The following MGAT4C variants were observed in gnomAD, a reference collection of about 807,000 sequenced individuals.
The protein encoded by MGAT4C is alpha-1,3-mannosyl-glycoprotein 4-beta-N-acetylglucosaminyltransferase C.
MGAT4C carries 19 observed loss-of-function variants against 40.1 expected under a neutral mutation model. The observed-to-expected ratio is 0.47, with a 90% CI of 0.33 to 0.70. The LOEUF is 0.70. Among genes scored for constraint, MGAT4C ranks in the 30% least tolerant of loss-of-function variants. MGAT4C has a pLI of 0.02. For missense variants in MGAT4C, 491 were observed against 563.2 expected, an observed-to-expected ratio of 0.87 and a Z score of 1.30; for synonymous variants, 181 against 187.1, an observed-to-expected ratio of 0.97 and a Z score of 0.27.
At chr12:86,470,051 TTTTA>T (rs1407164141) in intron 2 of MGAT4C, among the ~76,000 whole-genome samples, 6 of 152,036 alleles carry the variant, frequency 3.9e-5, no homozygotes, top group Non-Finnish European at 7.4e-5. Flanking sequence ...ATACACCACA[TTTTA>T]TTTATTTATT....
At chr12:85,985,032 G>A (rs1466357211) in intron 3 of MGAT4C, among the ~76,000 whole-genome samples, 5 of 152,090 alleles carry the variant, frequency 3.3e-5, no homozygotes, top group Admixed American at 6.5e-5. Context: ...CACTCACCTC[G>A]GCCTCCCAAA....
chr12:86,603,763 AGT>A (rs1324342767), intron 2 of MGAT4C, among the ~76,000 whole-genome samples: 1 of 119,778 alleles, frequency 8.3e-6, no homozygotes, highest in Non-Finnish European at 1.7e-5. Flanking sequence ...TATAATATAT[AGT>A]ATAATTATAT....
intron 2 of MGAT4C, among the ~76,000 whole-genome samples, chr12:86,040,738 CAA>C (rs80109444): frequency 2.2e-3 from 328 of 149,320 alleles, no homozygotes; most frequent in African/African-American, 7.6e-3. Context: ...AACAAACAAA[CAA>C]AAAAAAAACT....
rs1000419654 is a variant in MGAT4C at position 86,085,594 on chromosome 12, G to C, written c.-56-35871C>G. Among the ~76,000 whole-genome samples, 3 of 151,988 alleles carry C rather than the reference G, an allele frequency of 2.0e-5. No individual in the cohort carries two copies. In the East Asian group the frequency reaches 5.8e-4, roughly 29 times the overall value. The stretch of plus-strand genomic sequence containing the variant: ...ACCAGTACCATGCTATCGTCAGAGT[G>C]AACAGGCAACCTACAGAATGGGAGA... On this transcript the variant is annotated intron_variant, in intron 1 of 4. Transcript: ENST00000611864.
chr12:86,093,468 C>A (rs998854643), intron 1 of MGAT4C, among the ~76,000 whole-genome samples: 1 of 152,014 alleles, frequency 6.6e-6, no homozygotes, highest in Admixed American at 6.6e-5. Flanking sequence ...GTGGCTCATG[C>A]CTGTAATCCC....
At chr12:86,301,204 T>TA (rs1953801794) in intron 4 of MGAT4C, among the ~76,000 whole-genome samples, 1 of 152,192 alleles carries the variant, frequency 6.6e-6, no homozygotes, top group African/African-American at 2.4e-5. Context: ...AGGAAAGAGA[T>TA]AATGTTAAGC....
At position 86,627,082 on chromosome 12, in the gene MGAT4C, C is replaced by G. The variant is rs111779975; in HGVS notation, c.-229+100127G>C. Among the ~76,000 whole-genome samples the G allele has an allele frequency of 3.4e-3, 523 of 152,334 alleles. 1 individual carries two copies. Among genetic ancestry groups the G allele is most frequent in the African/African-American group, 0.012 (501 of 41,584 alleles). The stretch of plus-strand genomic sequence containing the variant: ...AGGAGATTATATCCCATGCATGGCT[C>G]AGCTGGTCCCATGCCCACAGAGCCT... On this transcript the variant is annotated intron_variant, in intron 2 of 7. Transcript: ENST00000548651.
intron 2 of MGAT4C, among the ~76,000 whole-genome samples, chr12:86,637,452 T>A (rs942252948): frequency 2.0e-5 from 3 of 151,966 alleles, no homozygotes; most frequent in Non-Finnish European, 2.9e-5. Context: ...AATGTTTGAG[T>A]TTTAGCCTAG....
intron 2 of MGAT4C, among the ~76,000 whole-genome samples, chr12:86,445,548 T>C (rs1199956612): frequency 6.6e-6 from 1 of 152,192 alleles, no homozygotes; most frequent in African/African-American, 2.4e-5. Context: ...CCTAGTTTCA[T>C]ATTCAAGAAG....
intron 1 of MGAT4C, among the ~76,000 whole-genome samples, chr12:86,819,689 T>G (rs1952673164): frequency 6.6e-6 from 1 of 150,924 alleles, no homozygotes; most frequent in African/African-American, 2.4e-5. Flanking sequence ...CTATATGTAT[T>G]TTAATACAGA....
At chr12:86,164,732 G>C (rs1885997596) in intron 1 of MGAT4C, among the ~76,000 whole-genome samples, 1 of 152,044 alleles carries the variant, frequency 6.6e-6, no homozygotes, top group Admixed American at 6.6e-5. Flanking sequence ...CGGTACCCTT[G>C]GGGATTTGAA....
At chr12:86,622,857 A>G (rs1319902088) in intron 2 of MGAT4C, among the ~76,000 whole-genome samples, 1 of 152,188 alleles carries the variant, frequency 6.6e-6, no homozygotes, top group African/African-American at 2.4e-5. Context: ...TTAGTAGACA[A>G]GTATATTAAA....
In MGAT4C at chr12:85,979,825, C is replaced by A. The variant is rs145889731; in HGVS notation, c.901G>T (p.Val301Leu). The A allele has an allele frequency of 1.2e-6, 2 of 1,613,584 alleles. No individual in the cohort carries two copies. Among genetic ancestry groups the A allele is most frequent in the African/African-American group, 2.7e-5 (2 of 74,882 alleles). ...AAGAGAGATGGTTTAAAACGGATCA[C>A]ATTTTTCTGAGCCAACAGACCACGG... ...HFRGLLAQKN[V>L]IRFKPSLFQH... The change falls in exon 5 of 5, where the codon GTG (valine) becomes TTG (leucine). Residue 301 changes from valine to leucine, a missense_variant. Val to Leu is a conservative substitution (Grantham distance 32). Coordinates refer to ENST00000611864, the MANE Select transcript of MGAT4C (RefSeq NM_001351288.2).
chr12:86,376,799 A>G (rs557034918), intron 3 of MGAT4C, among the ~76,000 whole-genome samples: 73 of 139,396 alleles, frequency 5.2e-4, no homozygotes, highest in East Asian at 9.1e-4. Flanking sequence ...ACAGAGAGAG[A>G]GAGACAGAGA....
chr12:86,546,637 A>G (rs1959194409), intron 2 of MGAT4C, among the ~76,000 whole-genome samples: 1 of 152,120 alleles, frequency 6.6e-6, no homozygotes, highest in Admixed American at 6.6e-5. Flanking sequence ...AGTTTATAGA[A>G]TTAAATTTTA....
intron 1 of MGAT4C, among the ~76,000 whole-genome samples, chr12:86,097,416 C>G (rs116005886): frequency 0.023 from 3,437 of 151,700 alleles, 111 homozygotes; most frequent in African/African-American, 0.079. Flanking sequence ...ATCCTGGATA[C>G]TAAAATAACA....
chr12:86,443,657 G>A (rs902833455), intron 2 of MGAT4C, among the ~76,000 whole-genome samples: 1 of 152,112 alleles, frequency 6.6e-6, no homozygotes, highest in African/African-American at 2.4e-5. Flanking sequence ...GCAGTGGCAC[G>A]ATCTCGGCTC....
At chr12:86,403,620 T>A (rs1956411273) in intron 3 of MGAT4C, among the ~76,000 whole-genome samples, 1 of 152,238 alleles carries the variant, frequency 6.6e-6, no homozygotes, top group South Asian at 2.1e-4. Flanking sequence ...TTTAAGTTTT[T>A]GAAATTTTCG....
At chr12:86,509,455 T>C (rs1166223271) in intron 2 of MGAT4C, among the ~76,000 whole-genome samples, 1 of 152,232 alleles carries the variant, frequency 6.6e-6, no homozygotes, top group African/African-American at 2.4e-5. Context: ...GCTGTTTTAC[T>C]TACTGTAACC....
Sources: gnomAD v4.1 joint callset for allele counts (sites outside exome capture counted in the v4.1 genomes callset) on GRCh38, gnomAD v4.1.1 for gene constraint, MANE v1.5 for transcripts, NCBI Gene and HGNC (gene_info 2026-07-23, HGNC 2026-07-21) for gene names.